The following DMD variants were observed in gnomAD, a reference collection of about 807,000 sequenced individuals.
DMD encodes mutant dystrophin.
DMD carries 63 observed loss-of-function variants against 330.1 expected under a neutral mutation model. The ratio of observed to expected loss-of-function variants is 0.19; its 90% CI spans 0.16 to 0.24. DMD has a LOEUF of 0.24. Ranked by LOEUF, DMD falls within the 10% of genes least tolerant of loss-of-function variation. DMD has a pLI of 1.00. For missense variants in DMD, 3,344 were observed against 2,684.1 expected (o/e 1.25, Z -5.43); for synonymous variants, 1,223 against 959.8 (o/e 1.27, Z -5.07).
At chrX:32,022,551 G>A (rs769462043) in intron 44 of DMD, among the ~76,000 whole-genome samples, 3 of 112,264 alleles carry the variant, frequency 2.7e-5, no homozygotes, top group African/African-American at 9.7e-5. Flanking sequence ...ATTTTTAAGA[G>A]AAAAAGGGAA....
At chrX:31,441,159 C>T (rs1415547768) in intron 60 of DMD, among the ~76,000 whole-genome samples, 1 of 112,131 alleles carries the variant, frequency 8.9e-6, no homozygotes, top group Non-Finnish European at 1.9e-5. Flanking sequence ...CTCAGGTTTA[C>T]ATCTGCCTTT....
chrX:32,138,087 A>T (rs753859147), intron 44 of DMD, among the ~76,000 whole-genome samples: 4 of 109,378 alleles, frequency 3.7e-5, no homozygotes, highest in Admixed American at 2.0e-4. Context: ...GCCCACCTTA[A>T]TCCCGAGCCA....
chrX:32,635,207 T>C (rs1225961788), intron 11 of DMD, among the ~76,000 whole-genome samples: 1 of 111,802 alleles, frequency 8.9e-6, no homozygotes, highest in Non-Finnish European at 1.9e-5. Context: ...GCCATGTGAC[T>C]GCTGCCATGG....
intron 59 of DMD, among the ~76,000 whole-genome samples, chrX:31,469,517 G>A (rs1698206217): frequency 8.9e-6 from 1 of 112,231 alleles, no homozygotes; most frequent in African/African-American, 3.2e-5. Flanking sequence ...CTTCTGGCTT[G>A]TAGGGTTTCT....
At chrX:31,282,618 G>T (rs2052708891) in intron 62 of DMD, among the ~76,000 whole-genome samples, 1 of 111,466 alleles carries the variant, frequency 9.0e-6, no homozygotes, top group South Asian at 3.7e-4. Context: ...TTTCAGAGAA[G>T]CTCTACTTAC....
At chrX:33,238,039 A>G (rs752961739) in intron 1 of DMD, among the ~76,000 whole-genome samples, 9 of 112,583 alleles carry the variant, frequency 8.0e-5, no homozygotes, top group Non-Finnish European at 1.7e-4. Flanking sequence ...GTAACATAAA[A>G]TTGTCCCATG....
intron 1 of DMD, among the ~76,000 whole-genome samples, chrX:33,053,843 C>A (rs1172972982): frequency 9.3e-6 from 1 of 107,867 alleles, no homozygotes; most frequent in African/African-American, 3.4e-5. Context: ...CAATGTCGTT[C>A]TTGAGGGATG....
intron 2 of DMD, among the ~76,000 whole-genome samples, chrX:32,866,314 G>A (rs925989550): frequency 1.8e-5 from 2 of 112,227 alleles, no homozygotes; most frequent in Non-Finnish European, 3.8e-5. Flanking sequence ...ATATGTATTT[G>A]AAATAGTATG....
intron 60 of DMD, among the ~76,000 whole-genome samples, chrX:31,396,217 A>C (rs1472140818): frequency 9.5e-6 from 1 of 105,803 alleles, no homozygotes; most frequent in Non-Finnish European, 1.9e-5. Flanking sequence ...GGCTCACTGC[A>C]AGCTCCGCCT....
chrX:32,491,721 T>A (rs1375811581), intron 19 of DMD, among the ~76,000 whole-genome samples: 1 of 111,745 alleles, frequency 8.9e-6, no homozygotes, highest in East Asian at 2.8e-4. Flanking sequence ...CAACAATGAA[T>A]ATCAATGCCA....
At chrX:32,709,045 G>A (rs1377113896) in intron 7 of DMD, among the ~76,000 whole-genome samples, 2 of 111,953 alleles carry the variant, frequency 1.8e-5, no homozygotes, top group East Asian at 5.6e-4. Context: ...CAATCAAGAA[G>A]TAGCAAACTT....
chrX:33,302,856 T>C (rs7881527), intron 1 of DMD, among the ~76,000 whole-genome samples: 2,244 of 111,765 alleles, frequency 0.02, 56 homozygotes, highest in African/African-American at 0.069. Context: ...AAATATATAA[T>C]GAAATGTATT....
chrX:33,126,176 A>C (rs1373669754), intron 1 of DMD, among the ~76,000 whole-genome samples: 1 of 112,197 alleles, frequency 8.9e-6, no homozygotes, highest in Non-Finnish European at 1.9e-5. Flanking sequence ...ATTTCCTAAC[A>C]TAGATATTTA....
chrX:32,333,623 G>A (rs1017245163), intron 41 of DMD, among the ~76,000 whole-genome samples: 14 of 110,107 alleles, frequency 1.3e-4, no homozygotes, highest in East Asian at 8.6e-4. Flanking sequence ...TTTCCCAATC[G>A]GAGTATTGGA....
At chrX:31,736,589 A>T (rs759201438) in intron 51 of DMD, among the ~76,000 whole-genome samples, 102 of 112,150 alleles carry the variant, frequency 9.1e-4, no homozygotes, top group African/African-American at 2.9e-3. Flanking sequence ...CTAAACTGCA[A>T]CTATTTGCCA....
intron 44 of DMD, among the ~76,000 whole-genome samples, chrX:31,997,076 C>T (rs1466475465): frequency 1.8e-5 from 2 of 111,665 alleles, no homozygotes; most frequent in African/African-American, 6.5e-5. Context: ...TAGTCAAGTG[C>T]TGCTGCAAAG....
intron 41 of DMD, among the ~76,000 whole-genome samples, chrX:32,331,922 G>A (rs774319169): frequency 9.0e-6 from 1 of 110,909 alleles, no homozygotes; most frequent in South Asian, 3.8e-4. Flanking sequence ...AGAGATATTC[G>A]GAAAACACAA....
chrX:32,452,444 A>AG (rs1205042092), intron 26 of DMD, among the ~76,000 whole-genome samples: 6 of 7,059 alleles, frequency 8.5e-4, no homozygotes, highest in Non-Finnish European at 1.8e-3. Flanking sequence ...GGAAAGGGAA[A>AG]GGAAAGGAAA....
intron 7 of DMD, among the ~76,000 whole-genome samples, chrX:32,762,042 C>A (rs912291373): frequency 9.2e-6 from 1 of 108,192 alleles, no homozygotes; most frequent in South Asian, 4.2e-4. Flanking sequence ...CCCAGCTACT[C>A]GGGAGGCTGA....
Sources: allele counts gnomAD v4.1 joint callset (sites outside exome capture counted in the v4.1 genomes callset), GRCh38; gene constraint gnomAD v4.1.1; transcripts MANE v1.5; gene names NCBI Gene and HGNC (gene_info 2026-07-23, HGNC 2026-07-21).